Variants in AVIL observed in about 807,000 individuals in gnomAD.
AVIL encodes advillin.
Under a neutral mutation model 109.9 loss-of-function variants are expected in AVIL, and 78 were observed. The ratio of observed to expected loss-of-function variants is 0.71; its 90% CI spans 0.59 to 0.86. The LOEUF is 0.86. Among genes scored for constraint, AVIL ranks in the 40% least tolerant of loss-of-function variants. The pLI is 0.00. For synonymous variants in AVIL, 367 were observed against 379.1 expected, an observed-to-expected ratio of 0.97 and a Z score of 0.37; for missense variants, 892 against 1,016.5, an observed-to-expected ratio of 0.88 and a Z score of 1.67.
chr12:57,807,272 C>G, intron 13 of AVIL, 59 bp downstream of exon 13: 1 of 1,605,406 alleles, frequency 6.2e-7, no homozygotes, highest in Non-Finnish European at 8.5e-7. Flanking sequence ...TAGTCCTGTG[C>G]TGGTTTGTTA....
chr12:57,811,132 G>A lies in AVIL; in HGVS notation c.339-5C>T, dbSNP rs1956033126. The A allele has an allele frequency of 1.2e-6, 2 of 1,613,830 alleles. No homozygotes were observed. The highest frequency in any genetic ancestry group is 2.2e-5 in the East Asian group (1 of 44,874). ...GCGACACCCCCCTGCTTGTAGCTAA[G>A]GGAACATCCATTCAGTTATTTGAGT... On this transcript the variant is annotated splice_region_variant and splice_polypyrimidine_tract_variant and intron_variant, in intron 4 of 19. Transcript: ENST00000549994.
chr12:57,813,727 G>A (rs1277243863), intron 3 of AVIL, among the ~76,000 whole-genome samples: 1 of 152,158 alleles, frequency 6.6e-6, no homozygotes, highest in African/African-American at 2.4e-5. Context: ...GGTCCCCTTG[G>A]TCCCTTGCAC....
At position 57,801,182 on chromosome 12, in the gene AVIL, C is replaced by T. The variant is rs925417745; in HGVS notation, c.2182G>A (p.Glu728Lys). The change falls in exon 18 of 20, where the codon GAG becomes AAG. Residue 728 changes from glutamate (E) to lysine (K), a missense_variant. Transcript: ENST00000549994. ...AGKTYEQLKEELGDAAAIMRI... is the reference protein window; with the variant it reads ...AGKTYEQLKEKLGDAAAIMRI... ...ATGATAGCAGCAGCATCTCCCAGCT[C>T]TTCTTTTAATTGTTCATATGTTTTT... 6.2e-7 allele frequency: 1 copy of T among 1,613,660 alleles called. No homozygotes were observed. Among genetic ancestry groups the T allele is most frequent in the Non-Finnish European group, 8.5e-7 (1 of 1,179,856 alleles).
In AVIL at chr12:57,802,244, G is replaced by A; in HGVS notation, c.2067C>T (p.Asp689=). The change falls in exon 17 of 20, where the codon GAC becomes GAT. Residue 689 remains aspartate (D), a synonymous_variant. Coordinates refer to ENST00000549994, the MANE Select transcript of AVIL (RefSeq NM_006576.4). ...LHTHPSGRDP[D]TPILIIKQGF... ...CCTGCTTAATGATCAGGATTGGTGTGTCGGGATCTCGGCCGCTGGGGTGAG... is the reference window on the plus strand; with the variant it reads ...CCTGCTTAATGATCAGGATTGGTGTATCGGGATCTCGGCCGCTGGGGTGAG... 1 of 1,614,194 alleles carries A rather than the reference G, an allele frequency of 6.2e-7. No homozygotes were observed.
Position 57,813,499 on chromosome 12 carries a change from A to G in AVIL, c.142-76T>C, listed in dbSNP as rs983625498. The stretch of plus-strand genomic sequence containing the variant: ...GCTGCTGGCCCCTGTTATGGGGAGA[A>G]TGCAGCACATGTGCATGCCCTTGGC... On this transcript the variant is annotated intron_variant, in intron 3 of 19. Transcript: ENST00000549994. 26 of 1,410,606 alleles carry G rather than the reference A, an allele frequency of 1.8e-5. 1 individual carries two copies. Among genetic ancestry groups the G allele is most frequent in the Admixed American group, 1.6e-4 (9 of 56,396 alleles). 87.4% of individuals were successfully genotyped at this position (1,410,606 alleles called of 1,614,324 possible).
In AVIL at chr12:57,809,802, C is replaced by T; in HGVS notation, c.840+10G>A. On this transcript the variant is annotated intron_variant, in intron 8 of 19. Transcript: ENST00000549994. Reference sequence around the variant, plus strand: ...CTACCCCAAGCTAAGTCCACCCAAACTCTACTTACATCATGGTTCAGTAAG... The same window carrying T: ...CTACCCCAAGCTAAGTCCACCCAAATTCTACTTACATCATGGTTCAGTAAG... 6.2e-7 allele frequency: 1 copy of T among 1,614,178 alleles called. No homozygotes were observed. Among genetic ancestry groups the T allele is most frequent in the Non-Finnish European group, 8.5e-7 (1 of 1,179,992 alleles).
At chr12:57,805,679 G>A (rs865880714) in intron 14 of AVIL, among the ~76,000 whole-genome samples, 1 of 151,650 alleles carries the variant, frequency 6.6e-6, no homozygotes, top group South Asian at 2.1e-4. Flanking sequence ...GACTACAGGC[G>A]CATGCTGCCA....
chr12:57,807,266 C>G, intron 13 of AVIL, 65 bp downstream of exon 13: 1 of 1,607,364 alleles, frequency 6.2e-7, no homozygotes, highest in Non-Finnish European at 8.5e-7. Context: ...CTCCAATAGT[C>G]CTGTGCTGGT....
intron 17 of AVIL, 132 bp downstream of exon 17, chr12:57,802,028 G>A (rs1595157763): frequency 9.8e-7 from 1 of 1,021,436 alleles, no homozygotes; most frequent in African/African-American, 1.6e-5. Flanking sequence ...TAAAAGGCAG[G>A]GAGTGGGATG....
rs535416364 is a variant in AVIL, at chr12:57,807,495, A to G, written c.1333-6T>C. 5.0e-6 allele frequency: 8 copies of G among 1,614,240 alleles called. No homozygotes were observed. The South Asian group carries it at 5.5e-5, about 11-fold the overall frequency. On this transcript the variant is annotated splice_polypyrimidine_tract_variant and splice_region_variant and intron_variant, in intron 12 of 19. Coordinates refer to ENST00000549994, the MANE Select transcript of AVIL (RefSeq NM_006576.4). Reference sequence around the variant, plus strand: ...TCCTGTGAGGCGTGGCGGCCCTGCAATGGTGAGAGGCCATGAAGGACCCAT... The same window carrying G: ...TCCTGTGAGGCGTGGCGGCCCTGCAGTGGTGAGAGGCCATGAAGGACCCAT...
At position 57,807,600 on chromosome 12, in the gene AVIL, T is replaced by C. The variant is rs1168269017; in HGVS notation, c.1322A>G (p.Tyr441Cys). ...CTGTGCCAGGCCTACCTGCCAGATGTACAAGATGTGATGTGGCTTCCCATT... is the reference window on the plus strand; with the variant it reads ...CTGTGCCAGGCCTACCTGCCAGATGCACAAGATGTGATGTGGCTTCCCATT... ...EVNGKPHHIL[Y>C]IWQGRHASQD... is the part of the protein sequence containing the mutation. Residue 441 changes from tyrosine (Y) to cysteine (C), a missense_variant, in exon 12 of 20, where the codon TAC becomes TGC. By Grantham distance (194) the Tyr-to-Cys change is radical. Coordinates refer to ENST00000549994, the MANE Select transcript of AVIL (RefSeq NM_006576.4). 6.2e-7 allele frequency: 1 copy of C among 1,614,244 alleles called. No individual in the cohort carries two copies. Among genetic ancestry groups the C allele is most frequent in the Non-Finnish European group, 8.5e-7 (1 of 1,180,044 alleles).
intron 19 of AVIL, 88 bp from the exon 20 acceptor site, chr12:57,798,083 C>G (rs1595151238): frequency 2.4e-6 from 2 of 830,676 alleles, no homozygotes; most frequent in East Asian, 5.6e-5. Flanking sequence ...AGAGGGAGTT[C>G]TAGGTGGATC....
At chr12:57,807,242 A>C in intron 13 of AVIL, 89 bp downstream of exon 13, 1 of 1,563,342 alleles carries the variant, frequency 6.4e-7, no homozygotes, top group Non-Finnish European at 8.8e-7. Context: ...TCCCTACCCC[A>C]CCCCTCCTCT....
chr12:57,809,518 G>C, intron 9 of AVIL, 79 bp downstream of exon 9: 4 of 1,496,156 alleles, frequency 2.7e-6, no homozygotes, highest in Non-Finnish European at 3.7e-6. Context: ...CAAATACCTA[G>C]CATGGCTCTG....
intron 16 of AVIL, chr12:57,802,799 A>G (rs1279603546): frequency 3.5e-6 from 2 of 572,062 alleles, no homozygotes; most frequent in African/African-American, 3.7e-5. Context: ...GGGCTGACCA[A>G]CTTTACCTCC....
Position 57,803,657 on chromosome 12 carries a change from C to T in AVIL, c.1684G>A (p.Asp562Asn). The T allele has an allele frequency of 6.2e-7, 1 of 1,614,044 alleles. No homozygotes were observed. The highest frequency in any genetic ancestry group is 8.5e-7 in the Non-Finnish European group (1 of 1,180,010). Residue 562 changes from aspartate (D) to asparagine (N), a missense_variant, in exon 15 of 20, where the codon GAT (aspartate) becomes AAT (asparagine). By Grantham distance (23) the Asp-to-Asn change is conservative. Coordinates refer to ENST00000549994, the MANE Select transcript of AVIL (RefSeq NM_006576.4). The stretch of plus-strand genomic sequence containing the variant: ...AGCTCCTTAGCCATTGCCCGCTCAT[C>T]CCCACTAGACCCCTGAGAGTGGGGC... Reference protein sequence around the residue: ...YLWYGKGSSGDERAMAKELAS... With the variant: ...YLWYGKGSSGNERAMAKELAS...
In AVIL at chr12:57,811,083, G is replaced by T; in HGVS notation, c.383C>A (p.Thr128Asn). The change falls in exon 5 of 20, where the codon ACC becomes AAC. Residue 128 changes from threonine to asparagine, a missense_variant. Thr to Asn is a moderately conservative substitution (Grantham distance 65, BLOSUM62 0). Coordinates refer to ENST00000549994, the MANE Select transcript of AVIL (RefSeq NM_006576.4). ...GVASGMKHVE[T>N]NTYDVKRLLH... ...CAGCCGCTTCACGTCGTAGGTATTG[G>T]TCTCCACGTGCTTCATCCCAGAGGC... 1.9e-6 allele frequency: 3 copies of T among 1,614,136 alleles called. No individual in the cohort carries two copies. The highest frequency in any genetic ancestry group is 2.5e-6 in the Non-Finnish European group (3 of 1,180,016).
chr12:57,801,183 T>C lies in AVIL; in HGVS notation c.2181A>G (p.Glu727=). The part of the protein sequence containing the change: ...SAGKTYEQLK[E]ELGDAAAIMR... Reference sequence around the variant, plus strand: ...TGATAGCAGCAGCATCTCCCAGCTCTTCTTTTAATTGTTCATATGTTTTTC... The same window carrying C: ...TGATAGCAGCAGCATCTCCCAGCTCCTCTTTTAATTGTTCATATGTTTTTC... Residue 727 remains glutamate, a synonymous_variant, in exon 18 of 20, where the codon GAA becomes GAG. Transcript: ENST00000549994. The C allele has an allele frequency of 6.2e-7, 1 of 1,613,702 alleles. No individual in the cohort carries two copies. The highest frequency in any genetic ancestry group is 1.1e-5 in the South Asian group (1 of 91,032).
rs779824760 is a variant in AVIL at position 57,809,637 on chromosome 12, G to T, written c.899C>A (p.Ala300Asp). Residue 300 changes from alanine to aspartate, a missense_variant, in exon 9 of 20, where the codon GCC becomes GAC. By Grantham distance (126) the Ala-to-Asp change is moderately radical. Coordinates refer to ENST00000549994, the MANE Select transcript of AVIL (RefSeq NM_006576.4). Reference sequence around the variant, plus strand: ...GGCTGCCTGTTTTTCAGCCTTTGTGGCTCCTTTTCCTTTCCACACGTAGAT... The same window carrying T: ...GGCTGCCTGTTTTTCAGCCTTTGTGTCTCCTTTTCCTTTCCACACGTAGAT... ...TKIYVWKGKG[A>D]TKAEKQAAMS... The T allele has an allele frequency of 5.0e-6, 8 of 1,614,090 alleles. No homozygotes were observed. Among genetic ancestry groups the T allele is most frequent in the Non-Finnish European group, 6.8e-6 (8 of 1,180,054 alleles).
Sources: gnomAD v4.1 joint callset for allele counts (sites outside exome capture counted in the v4.1 genomes callset) on GRCh38, gnomAD v4.1.1 for gene constraint, MANE v1.5 for transcripts, NCBI Gene and HGNC (gene_info 2026-07-23, HGNC 2026-07-21) for gene names.